C12orf75: variants seen among roughly 807,000 people sequenced by gnomAD.
C12orf75 encodes the protein chromosome 12 open reading frame 75.
Under a neutral mutation model 11.4 loss-of-function variants are expected in C12orf75, and 4 were observed. The ratio of observed to expected loss-of-function variants is 0.35; its 90% CI spans 0.17 to 0.80. The LOEUF (loss-of-function observed/expected upper bound fraction) is 0.80. Ranked by LOEUF, C12orf75 falls within the 30% of genes least tolerant of loss-of-function variation. The pLI is 0.52. For missense variants in C12orf75, 89 were observed against 80.4 expected, an observed-to-expected ratio of 1.11 and a Z score of -0.41; for synonymous variants, 30 against 30.0, an observed-to-expected ratio of 1.00 and a Z score of 0.00.
intron 2 of C12orf75, among the ~76,000 whole-genome samples, chr12:105,360,962 G>T (rs949659174): frequency 3.3e-5 from 5 of 152,250 alleles, no homozygotes; most frequent in African/African-American, 1.2e-4. Flanking sequence ...TTTTAGTAGA[G>T]ACGGGGTTTC....
At chr12:105,335,642 T>C (rs2136139738) in intron 1 of C12orf75, among the ~76,000 whole-genome samples, 1 of 152,126 alleles carries the variant, frequency 6.6e-6, no homozygotes, top group Middle Eastern at 3.4e-3. Flanking sequence ...ATCCTCAGCC[T>C]CTAGACTAGT....
At chr12:105,358,801 G>A (rs1892821104) in intron 2 of C12orf75, among the ~76,000 whole-genome samples, 1 of 152,252 alleles carries the variant, frequency 6.6e-6, no homozygotes, top group Admixed American at 6.5e-5. Flanking sequence ...ACTAGAAAAT[G>A]GAATCACTGC....
intron 1 of C12orf75, among the ~76,000 whole-genome samples, chr12:105,344,402 A>G (rs1279113029): frequency 6.6e-6 from 1 of 151,910 alleles, no homozygotes; most frequent in Non-Finnish European, 1.5e-5. Context: ...AGCCTTGGCC[A>G]CTCTCTTCTT....
intron 2 of C12orf75, among the ~76,000 whole-genome samples, chr12:105,356,836 G>A (rs1035486636): frequency 1.3e-5 from 2 of 152,182 alleles, no homozygotes; most frequent in African/African-American, 2.4e-5. Flanking sequence ...CATATTTTAT[G>A]TATTAACTTT....
intron 1 of C12orf75, among the ~76,000 whole-genome samples, chr12:105,339,410 C>CTTTTTTT (rs1892538986): frequency 1.3e-5 from 1 of 75,992 alleles, no homozygotes; most frequent in Non-Finnish European, 3.1e-5. Context: ...TTTTTTTTTA[C>CTTTTTTT]AAATTCTTCA....
At chr12:105,363,024 C>T (rs369575004) in intron 2 of C12orf75, among the ~76,000 whole-genome samples, 12 of 152,364 alleles carry the variant, frequency 7.9e-5, no homozygotes, top group East Asian at 5.8e-4. Flanking sequence ...GAAGCCACTA[C>T]GTTGGTCTTT....
chr12:105,343,443 C>T (rs1378034624), intron 1 of C12orf75, among the ~76,000 whole-genome samples: 1 of 152,174 alleles, frequency 6.6e-6, no homozygotes, highest in African/African-American at 2.4e-5. Flanking sequence ...TGATAAAGCA[C>T]ATGAACCACA....
intron 2 of C12orf75, among the ~76,000 whole-genome samples, chr12:105,348,894 G>A (rs1024371932): frequency 2.7e-5 from 4 of 149,476 alleles, no homozygotes; most frequent in African/African-American, 9.7e-5. Flanking sequence ...ATCCCAACTG[G>A]TATAGAGATT....
intron 2 of C12orf75, among the ~76,000 whole-genome samples, chr12:105,351,218 A>C (rs1892709915): frequency 6.6e-6 from 1 of 152,168 alleles, no homozygotes; most frequent in South Asian, 2.1e-4. Context: ...TTTTTTTATT[A>C]TGCACATTAA....
At chr12:105,343,537 G>A (rs762537045) in intron 1 of C12orf75, among the ~76,000 whole-genome samples, 3 of 152,176 alleles carry the variant, frequency 2.0e-5, no homozygotes, top group Admixed American at 6.5e-5. Context: ...ATTAGGGATT[G>A]CCATTTGGTT....
intron 1 of C12orf75, among the ~76,000 whole-genome samples, chr12:105,342,874 A>G (rs1892591698): frequency 6.6e-6 from 1 of 152,224 alleles, no homozygotes; most frequent in African/African-American, 2.4e-5. Flanking sequence ...GTTTGAATAG[A>G]TGGGATTTGC....
At chr12:105,362,125 G>A (rs1411046631) in intron 2 of C12orf75, among the ~76,000 whole-genome samples, 3 of 152,002 alleles carry the variant, frequency 2.0e-5, no homozygotes, top group Non-Finnish European at 2.9e-5. Context: ...GGTGGCTCAC[G>A]CCTGTAATCC....
chr12:105,352,254 T>C (rs907991181), intron 2 of C12orf75, among the ~76,000 whole-genome samples: 1 of 152,094 alleles, frequency 6.6e-6, no homozygotes, highest in African/African-American at 2.4e-5. Flanking sequence ...CTGGGGACTG[T>C]AGTTTCAGTT....
At chr12:105,363,065 T>C (rs1022991958) in intron 2 of C12orf75, among the ~76,000 whole-genome samples, 2 of 144,970 alleles carry the variant, frequency 1.4e-5, no homozygotes, top group Non-Finnish European at 3.0e-5. Flanking sequence ...TTTACATCTT[T>C]CTACCTGAGA....
At chr12:105,331,240 T>C (rs919652123) in intron 1 of C12orf75, among the ~76,000 whole-genome samples, 5 of 151,712 alleles carry the variant, frequency 3.3e-5, no homozygotes, top group Non-Finnish European at 7.4e-5. Flanking sequence ...AGGGCTCTCC[T>C]GGGGGAGAGG....
intron 1 of C12orf75, 124 bp from the exon 2 acceptor site, chr12:105,348,478 T>A: frequency 1.8e-6 from 1 of 545,124 alleles, no homozygotes; most frequent in Non-Finnish European, 3.0e-6. Flanking sequence ...TTTCTCTGTT[T>A]TTGAAAATTT....
chr12:105,353,267 A>T (rs1295644906), intron 2 of C12orf75, among the ~76,000 whole-genome samples: 1 of 152,200 alleles, frequency 6.6e-6, no homozygotes, highest in Non-Finnish European at 1.5e-5. Context: ...AGCTTTCCTC[A>T]AGTGGTGACA....
At chr12:105,351,451 GT>G (rs1477815501) in intron 2 of C12orf75, among the ~76,000 whole-genome samples, 1 of 151,930 alleles carries the variant, frequency 6.6e-6, no homozygotes, top group Non-Finnish European at 1.5e-5. Flanking sequence ...TTTACTACTC[GT>G]TTTTCTTATT....
At chr12:105,331,646 C>G (rs1408793749) in intron 1 of C12orf75, among the ~76,000 whole-genome samples, 1 of 151,494 alleles carries the variant, frequency 6.6e-6, no homozygotes, top group Non-Finnish European at 1.5e-5. Flanking sequence ...CTTTTTATAC[C>G]ACTTCATGTT....
Sources: gnomAD v4.1 joint callset for allele counts (sites outside exome capture counted in the v4.1 genomes callset) on GRCh38, gnomAD v4.1.1 for gene constraint, MANE v1.5 for transcripts, NCBI Gene and HGNC (gene_info 2026-07-23, HGNC 2026-07-21) for gene names.